SLC35F1: variants seen among roughly 807,000 people sequenced by gnomAD.
SLC35F1 encodes the protein chromosome 6 open reading frame 169.
A neutral mutation model predicts 48.7 loss-of-function variants in SLC35F1; 14 were observed. The ratio of observed to expected loss-of-function variants is 0.29; its 90% CI spans 0.19 to 0.45. SLC35F1 has a LOEUF of 0.45. Ranked by LOEUF, SLC35F1 falls within the 20% of genes least tolerant of loss-of-function variation. The pLI is 1.00. For synonymous variants in SLC35F1, 190 were observed against 202.2 expected (o/e 0.94, Z 0.51); for missense variants, 404 against 500.0 (o/e 0.81, Z 1.83).
At chr6:118,005,986 G>T (rs1441187375) in intron 1 of SLC35F1, among the ~76,000 whole-genome samples, 3 of 151,996 alleles carry the variant, frequency 2.0e-5, no homozygotes, top group Non-Finnish European at 4.4e-5. Flanking sequence ...TTATAACTTA[G>T]AATTATATTT....
At chr6:118,042,496 C>T (rs536967906) in intron 1 of SLC35F1, among the ~76,000 whole-genome samples, 31 of 152,186 alleles carry the variant, frequency 2.0e-4, no homozygotes, top group African/African-American at 7.0e-4. Context: ...CATGAGTGTG[C>T]CTTGTGAGTT....
chr6:117,959,073 G>C (rs1467327280), intron 1 of SLC35F1, among the ~76,000 whole-genome samples: 1 of 152,144 alleles, frequency 6.6e-6, no homozygotes, highest in Non-Finnish European at 1.5e-5. Context: ...GCAGGATCCT[G>C]GGTGAATCAC....
intron 3 of SLC35F1, among the ~76,000 whole-genome samples, chr6:118,254,652 C>G (rs1260024206): frequency 6.6e-6 from 1 of 152,144 alleles, no homozygotes; most frequent in African/African-American, 2.4e-5. Flanking sequence ...ATGCTTTCCT[C>G]TGGCTTTTGA....
intron 7 of SLC35F1, among the ~76,000 whole-genome samples, chr6:118,286,674 T>C (rs1433273993): frequency 2.6e-5 from 4 of 152,200 alleles, no homozygotes; most frequent in African/African-American, 7.2e-5. Flanking sequence ...ATATACAGTA[T>C]TTAAGATGTA....
At chr6:117,918,350 GC>G (rs1290200062) in intron 1 of SLC35F1, among the ~76,000 whole-genome samples, 1 of 152,144 alleles carries the variant, frequency 6.6e-6, no homozygotes, top group Non-Finnish European at 1.5e-5. Flanking sequence ...GGAATTCAAA[GC>G]ATGGTGGGGA....
intron 1 of SLC35F1, among the ~76,000 whole-genome samples, chr6:117,930,261 C>T (rs1469522257): frequency 1.3e-5 from 2 of 152,188 alleles, no homozygotes. Context: ...GTTGTCTGGA[C>T]TCTACATTTT....
intron 1 of SLC35F1, among the ~76,000 whole-genome samples, chr6:118,137,617 G>A (rs1773816086): frequency 6.6e-6 from 1 of 152,126 alleles, no homozygotes; most frequent in East Asian, 1.9e-4. Flanking sequence ...TCCCAAACCT[G>A]CACTGTCCTT....
chr6:117,969,137 A>C (rs1049868041), intron 1 of SLC35F1, among the ~76,000 whole-genome samples: 1 of 152,206 alleles, frequency 6.6e-6, no homozygotes, highest in Admixed American at 6.5e-5. Flanking sequence ...ACTGAGAGAG[A>C]TGGTCCTTTC....
chr6:118,173,671 G>A lies in SLC35F1; in HGVS notation c.349+19051G>A, dbSNP rs536291865. Among the ~76,000 whole-genome samples the A allele has an allele frequency of 4.6e-5, 7 of 152,268 alleles. No individual in the cohort carries two copies. The South Asian group carries it at 1.2e-3, about 27-fold the overall frequency. ...AAGGAGAGTAGTACAGAAGATCTGAGAGAAATGAGTTTAAGATACACCAGA... is the reference window on the plus strand; with the variant it reads ...AAGGAGAGTAGTACAGAAGATCTGAAAGAAATGAGTTTAAGATACACCAGA... On this transcript the variant is annotated intron_variant, in intron 2 of 7. Coordinates refer to ENST00000360388, the MANE Select transcript of SLC35F1 (RefSeq NM_001029858.4).
chr6:118,001,260 C>A (rs1308316812), intron 1 of SLC35F1, among the ~76,000 whole-genome samples: 1 of 152,132 alleles, frequency 6.6e-6, no homozygotes, highest in Non-Finnish European at 1.5e-5. Context: ...AGATATAGAT[C>A]AATGGAACAG....
At chr6:118,298,153 C>G (rs1181970606) in intron 7 of SLC35F1, among the ~76,000 whole-genome samples, 1 of 152,124 alleles carries the variant, frequency 6.6e-6, no homozygotes, top group East Asian at 1.9e-4. Context: ...TACAGAACCA[C>G]AAGCCAAAAT....
chr6:118,237,352 CACACAA>C (rs1302588718), intron 3 of SLC35F1, among the ~76,000 whole-genome samples: 6 of 119,498 alleles, frequency 5.0e-5, no homozygotes, highest in South Asian at 2.8e-4. Flanking sequence ...CACACACACA[CACACAA>C]AATGGTTGCA....
At chr6:117,986,655 T>C (rs1441013500) in intron 1 of SLC35F1, among the ~76,000 whole-genome samples, 2 of 152,142 alleles carry the variant, frequency 1.3e-5, no homozygotes, top group African/African-American at 2.4e-5. Context: ...CTGTGTCACA[T>C]GCCTGATTTT....
At chr6:118,000,794 A>G (rs912248360) in intron 1 of SLC35F1, among the ~76,000 whole-genome samples, 1 of 152,204 alleles carries the variant, frequency 6.6e-6, no homozygotes, top group Admixed American at 6.5e-5. Flanking sequence ...AAGCATTCTT[A>G]TACACCAGTA....
At chr6:118,028,695 A>G (rs1176537661) in intron 1 of SLC35F1, among the ~76,000 whole-genome samples, 2 of 152,146 alleles carry the variant, frequency 1.3e-5, no homozygotes, top group Non-Finnish European at 2.9e-5. Flanking sequence ...GGCATAGGGA[A>G]AGAAAATCAG....
At chr6:118,307,209 C>T (rs1393033886) in intron 7 of SLC35F1, among the ~76,000 whole-genome samples, 1 of 152,152 alleles carries the variant, frequency 6.6e-6, no homozygotes, top group African/African-American at 2.4e-5. Context: ...CTAAGGCACT[C>T]GTTTGTTTAT....
intron 2 of SLC35F1, among the ~76,000 whole-genome samples, chr6:118,220,985 G>T (rs890701861): frequency 1.3e-5 from 2 of 152,126 alleles, no homozygotes; most frequent in Admixed American, 1.3e-4. Context: ...GACACAGAAG[G>T]CTTCACTTGG....
chr6:118,287,329 T>C (rs1183964049), intron 7 of SLC35F1, among the ~76,000 whole-genome samples: 1 of 152,226 alleles, frequency 6.6e-6, no homozygotes, highest in Non-Finnish European at 1.5e-5. Flanking sequence ...TCTAGTCCAT[T>C]ACTTGGTGTG....
chr6:118,255,442 G>T (rs1775629645), intron 3 of SLC35F1, among the ~76,000 whole-genome samples: 1 of 152,168 alleles, frequency 6.6e-6, no homozygotes, highest in South Asian at 2.1e-4. Context: ...CAACAAGGAG[G>T]ATCTTGCCCC....
Sources: allele counts gnomAD v4.1 joint callset (sites outside exome capture counted in the v4.1 genomes callset), GRCh38; gene constraint gnomAD v4.1.1; transcripts MANE v1.5; gene names NCBI Gene and HGNC (gene_info 2026-07-23, HGNC 2026-07-21).